The following PCDHGA6 variants were observed in gnomAD, a reference collection of about 807,000 sequenced individuals.
PCDHGA6 encodes the protein protocadherin gamma subfamily A, 6.
Under a neutral mutation model 60.6 loss-of-function variants are expected in PCDHGA6, and 41 were observed. That is an observed-to-expected ratio of 0.68 (90% CI 0.53 to 0.88). The LOEUF (loss-of-function observed/expected upper bound fraction) is 0.88. Among genes scored for constraint, PCDHGA6 ranks in the 40% least tolerant of loss-of-function variants. PCDHGA6 has a pLI of 0.00. For synonymous variants in PCDHGA6, 594 were observed against 524.4 expected, an observed-to-expected ratio of 1.13 and a Z score of -1.81; for missense variants, 1,312 against 1,203.0, an observed-to-expected ratio of 1.09 and a Z score of -1.34.
intron 1 of PCDHGA6, among the ~76,000 whole-genome samples, chr5:141,406,576 A>T (rs909778588): frequency 8.5e-5 from 13 of 152,222 alleles, no homozygotes; most frequent in Non-Finnish European, 8.8e-5. Context: ...CTAGTAAACC[A>T]ATTTTTTCCC....
At chr5:141,459,829 G>A in intron 1 of PCDHGA6, among the ~76,000 whole-genome samples, 1 of 152,178 alleles carries the variant, frequency 6.6e-6, no homozygotes, top group East Asian at 1.9e-4. Flanking sequence ...AACTTTTCAT[G>A]TGTTGTCTAT....
intron 1 of PCDHGA6, chr5:141,402,791 C>A: frequency 1.0e-6 from 1 of 998,930 alleles, no homozygotes; most frequent in Non-Finnish European, 1.4e-6. Context: ...TCTGCGGCTA[C>A]ACAAAACCCG....
At chr5:141,380,987 C>G (rs1776914459) in intron 1 of PCDHGA6, among the ~76,000 whole-genome samples, 1 of 152,202 alleles carries the variant, frequency 6.6e-6, no homozygotes. Context: ...GAATTTAACT[C>G]CAGTTTACAG....
In PCDHGA6 at chr5:141,376,294, C is replaced by T. The variant is rs572453488; in HGVS notation, c.2211C>T (p.Gly737=). The T allele has an allele frequency of 9.9e-6, 16 of 1,614,226 alleles. No individual in the cohort carries two copies. The highest frequency in any genetic ancestry group is 2.2e-5 in the East Asian group (1 of 44,886). The change falls in exon 1 of 4, where the codon GGC becomes GGT. Residue 737 remains glycine (G), a synonymous_variant. Coordinates refer to ENST00000517434, the MANE Select transcript of PCDHGA6 (RefSeq NM_018919.3). The part of the protein sequence containing the change: ...ASGGGLASMP[G]SHFVGVEGVR... ...GAGGTGGCTTAGCGAGCATGCCCGG[C>T]TCGCACTTTGTGGGCGTGGAAGGGG...
chr5:141,395,542 TTGTGTGTGTG>T lies in PCDHGA6; in HGVS notation c.2424+19075_2424+19084del, dbSNP rs55729045. 945 of 172,430 alleles carry T rather than the reference TTGTGTGTGTG, an allele frequency of 5.5e-3. 2 individuals carry two copies. The highest frequency in any genetic ancestry group is 0.011 in the African/African-American group (192 of 17,544). 10.7% of individuals were successfully genotyped at this position (172,430 alleles called of 1,614,324 possible). A position where few individuals can be genotyped will look rare whatever the true frequency, so the allele number is the denominator to read the frequency against. On this transcript the variant is annotated intron_variant, in intron 1 of 3. Coordinates refer to ENST00000517434, the MANE Select transcript of PCDHGA6 (RefSeq NM_018919.3). ...TCCATACTGGTAATTTTGCTATTGT[TTGTGTGTGTG>T]TGTGTGTGTGTGTGTGTGTGTGTGT...
chr5:141,389,827 G>A lies in PCDHGA6; in HGVS notation c.2424+13320G>A, dbSNP rs754189855. ...CTTCTGGTCGCCGTGCGTGACGGTG[G>A]ACAGCCACCACTCTCGGCCACTGCC... On this transcript the variant is annotated intron_variant, in intron 1 of 3. Transcript: ENST00000517434. The A allele has an allele frequency of 1.4e-5, 22 of 1,613,838 alleles. No individual in the cohort carries two copies. The African/African-American group carries it at 2.7e-4, about 20-fold the overall frequency.
chr5:141,460,582 G>A (rs1246329967), intron 1 of PCDHGA6, among the ~76,000 whole-genome samples: 2 of 152,022 alleles, frequency 1.3e-5, no homozygotes, highest in South Asian at 4.1e-4. Context: ...GTAGGTGTGG[G>A]TTTTTTCTGG....
chr5:141,376,316 G>C lies in PCDHGA6; in HGVS notation c.2233G>C (p.Gly745Arg). 1 of 1,614,224 alleles carries C rather than the reference G, an allele frequency of 6.2e-7. No individual in the cohort carries two copies. The highest frequency in any genetic ancestry group is 1.1e-5 in the South Asian group (1 of 91,082). Residue 745 changes from glycine (G) to arginine (R), a missense_variant, in exon 1 of 4, where the codon GGG becomes CGG. Coordinates refer to ENST00000517434, the MANE Select transcript of PCDHGA6 (RefSeq NM_018919.3). ...CGGCTCGCACTTTGTGGGCGTGGAA[G>C]GGGTTCGGGCTTTCCTGCAGACCTA... ...MPGSHFVGVE[G>R]VRAFLQTYSH... is the part of the protein sequence containing the mutation.
At chr5:141,415,503 G>A (rs1354902623) in intron 1 of PCDHGA6, 1 of 1,614,212 alleles carries the variant, frequency 6.2e-7, no homozygotes. Flanking sequence ...TCTTCCCCCA[G>A]CCCAATTATG....
At chr5:141,505,154 C>T (rs1443235547) in intron 2 of PCDHGA6, among the ~76,000 whole-genome samples, 2 of 152,028 alleles carry the variant, frequency 1.3e-5, no homozygotes, top group Non-Finnish European at 2.9e-5. Flanking sequence ...AGAGTAAGAC[C>T]CTGTCTAAAA....
rs1042594456 is a variant in PCDHGA6 at position 141,376,410 on chromosome 5, C to T, written c.2327C>T (p.Ala776Val). ...SHLIFPQPNY[A>V]DTLINQESYE... ...CTGATTTTCCCCCAGCCCAACTATG[C>T]CGACACGCTTATCAACCAGGAGAGC... Residue 776 changes from alanine (A) to valine (V), a missense_variant, in exon 1 of 4, where the codon GCC becomes GTC. Ala to Val is a moderately conservative substitution (Grantham distance 64, BLOSUM62 0). Coordinates refer to ENST00000517434, the MANE Select transcript of PCDHGA6 (RefSeq NM_018919.3). 1.2e-5 allele frequency: 20 copies of T among 1,614,226 alleles called. No individual in the cohort carries two copies. The highest frequency in any genetic ancestry group is 1.7e-5 in the Non-Finnish European group (20 of 1,180,046).
intron 1 of PCDHGA6, chr5:141,383,173 C>A (rs1481900327): frequency 1.2e-6 from 2 of 1,614,064 alleles, no homozygotes; most frequent in South Asian, 1.1e-5. Context: ...CAGGATAGAC[C>A]GGGAAGAGAT....
chr5:141,483,432 ACT>A (rs2099581241), intron 1 of PCDHGA6, among the ~76,000 whole-genome samples: 1 of 152,200 alleles, frequency 6.6e-6, no homozygotes, highest in African/African-American at 2.4e-5. Flanking sequence ...GAGGGAGCTG[ACT>A]ACAATAAAAT....
Position 141,486,662 on chromosome 5 carries a change from C to T in PCDHGA6, c.2425-8145C>T. 6.2e-7 allele frequency: 1 copy of T among 1,613,970 alleles called. No homozygotes were observed. The highest frequency in any genetic ancestry group is 1.1e-5 in the South Asian group (1 of 91,086). ...GCTTATCTCCTACTCACTCCTGGAG[C>T]CCAGGAATCGAGATGTATCAGCTTC... On this transcript the variant is annotated intron_variant, in intron 1 of 3. Coordinates refer to ENST00000517434, the MANE Select transcript of PCDHGA6 (RefSeq NM_018919.3). The surrounding 1 kb of genome is among the most constrained non-coding windows in gnomAD (Gnocchi z 5.0).
At chr5:141,418,823 A>G (rs985060966) in intron 1 of PCDHGA6, 7 of 1,613,868 alleles carry the variant, frequency 4.3e-6, no homozygotes, top group Admixed American at 3.3e-5. Context: ...CATAGAAGCA[A>G]AAGACCGAGG....
At chr5:141,400,773 T>A in intron 1 of PCDHGA6, 1 of 572,450 alleles carries the variant, frequency 1.7e-6, no homozygotes, top group East Asian at 2.9e-5. Flanking sequence ...AAACATTTGG[T>A]GCGTTTTTTT....
rs368155258 is a variant in PCDHGA6 at position 141,394,236 on chromosome 5, A to T, written c.2424+17729A>T. 3.1e-5 allele frequency: 50 copies of T among 1,613,818 alleles called. No individual in the cohort carries two copies. The highest frequency in any genetic ancestry group is 3.9e-5 in the Non-Finnish European group (46 of 1,179,848). On this transcript the variant is annotated intron_variant, in intron 1 of 3. Transcript: ENST00000517434. ...GAGAGGAGCCTCCATCTTTTCCTTG[A>T]CTGCACACGACCCCGACAGCCAGGA...
At position 141,495,009 on chromosome 5, in the gene PCDHGA6, G is replaced by A; in HGVS notation, c.2483+144G>A. 6 of 1,518,622 alleles carry A rather than the reference G, an allele frequency of 4.0e-6. No homozygotes were observed. The South Asian group carries it at 6.2e-5, about 16-fold the overall frequency. The allele number at this position is 1,518,622 out of a possible 1,614,324, so 94.1% of individuals were successfully genotyped here. ...TCCCAGGGAGGTCTTGGTGTGCGGG[G>A]GGCTGGCACACAGACCCCGGAAGGA... is the stretch of plus-strand genomic sequence containing the variant. On this transcript the variant is annotated intron_variant, in intron 2 of 3. Coordinates refer to ENST00000517434, the MANE Select transcript of PCDHGA6 (RefSeq NM_018919.3).
intron 1 of PCDHGA6, chr5:141,427,761 G>A (rs1228905550): frequency 3.7e-6 from 5 of 1,366,246 alleles, no homozygotes; most frequent in Non-Finnish European, 4.1e-6. Flanking sequence ...CGTTACCACT[G>A]ACTTGGAGCT....
Sources: gnomAD v4.1 joint callset for allele counts (sites outside exome capture counted in the v4.1 genomes callset) on GRCh38, gnomAD v4.1.1 for gene constraint, Gnocchi (gnomAD v3.1) non-coding constraint, MANE v1.5 for transcripts, NCBI Gene and HGNC (gene_info 2026-07-23, HGNC 2026-07-21) for gene names.